The following PTPRO variants were observed in gnomAD, a reference collection of about 807,000 sequenced individuals.
PTPRO encodes the protein protein tyrosine phosphatase receptor type O, also known as receptor-type tyrosine-protein phosphatase O.
In PTPRO, 62 loss-of-function variants were observed where a neutral mutation model predicts 145.2. The ratio of observed to expected loss-of-function variants is 0.43; its 90% CI spans 0.35 to 0.53. The LOEUF (loss-of-function observed/expected upper bound fraction) is 0.53, where lower values mean the gene tolerates loss of function less well. Among genes scored for constraint, PTPRO ranks in the 20% least tolerant of loss-of-function variants. PTPRO has a pLI of 0.01. For synonymous variants in PTPRO, 565 were observed against 514.7 expected (o/e 1.10, Z -1.32); for missense variants, 1,345 against 1,482.7 (o/e 0.91, Z 1.53).
chr12:15,541,732 C>T (rs1016816255), intron 12 of PTPRO, among the ~76,000 whole-genome samples: 1 of 152,206 alleles, frequency 6.6e-6, no homozygotes, highest in African/African-American at 2.4e-5. Flanking sequence ...CCTATTCATC[C>T]TGGGTGTGGT....
intron 1 of PTPRO, among the ~76,000 whole-genome samples, chr12:15,473,634 G>A (rs1344580098): frequency 6.6e-6 from 1 of 151,872 alleles, no homozygotes; most frequent in Non-Finnish European, 1.5e-5. Flanking sequence ...AGGCGTTGTG[G>A]TGGGCACCTG....
intron 1 of PTPRO, among the ~76,000 whole-genome samples, chr12:15,390,131 T>C (rs1355219249): frequency 1.3e-5 from 2 of 152,136 alleles, no homozygotes; most frequent in Non-Finnish European, 2.9e-5. Flanking sequence ...GAAATAAGTT[T>C]GAGAACTAAT....
At chr12:15,410,194 A>G (rs551749691) in intron 1 of PTPRO, 86 of 152,378 alleles carry the variant, frequency 5.6e-4, no homozygotes, top group African/African-American at 2.0e-3. Flanking sequence ...AACACAATTT[A>G]TGAAACGTGC....
chr12:15,593,244 G>A (rs1944589922), intron 25 of PTPRO, among the ~76,000 whole-genome samples: 1 of 152,202 alleles, frequency 6.6e-6, no homozygotes, highest in Non-Finnish European at 1.5e-5. Context: ...CATCAATCCA[G>A]TGATGTTCGA....
rs34222753 is a variant in PTPRO at position 15,589,379 on chromosome 12, G to GA, written c.3411-63dup. The stretch of plus-strand genomic sequence containing the variant: ...CAACAGAGCAAGACTCCATCTCAAA[G>GA]AAAAAAAAAAAAAGAGGGGGGAGAA... On this transcript the variant is annotated intron_variant, in intron 24 of 26. Coordinates refer to ENST00000281171, the MANE Select transcript of PTPRO (RefSeq NM_030667.3). 3.6e-3 allele frequency: 4,549 copies of GA among 1,259,002 alleles called. 7 individuals carry two copies. Among genetic ancestry groups the GA allele is most frequent in the African/African-American group, 0.017 (1,155 of 68,068 alleles). The allele number at this position is 1,259,002 out of a possible 1,614,324, so 78.0% of individuals were successfully genotyped here. A position where few individuals can be genotyped will look rare whatever the true frequency, so the allele number is the denominator to read the frequency against.
intron 25 of PTPRO, among the ~76,000 whole-genome samples, chr12:15,591,369 T>TC (rs1944548895): frequency 6.6e-6 from 1 of 151,686 alleles, no homozygotes; most frequent in Non-Finnish European, 1.5e-5. Context: ...AGACTCCATC[T>TC]CAAAAAAAAC....
At chr12:15,551,736 ATTG>A in intron 15 of PTPRO, 65 bp downstream of exon 15, 2 of 1,561,624 alleles carry the variant, frequency 1.3e-6, no homozygotes. Flanking sequence ...CCATATATAT[ATTG>A]TTTTTGCACA....
At chr12:15,418,076 T>C (rs1326514809) in intron 1 of PTPRO, among the ~76,000 whole-genome samples, 1 of 151,866 alleles carries the variant, frequency 6.6e-6, no homozygotes, top group Non-Finnish European at 1.5e-5. Context: ...GGCACACTCT[T>C]AATTTCAGCT....
intron 1 of PTPRO, among the ~76,000 whole-genome samples, chr12:15,377,175 C>G (rs1454153894): frequency 6.6e-6 from 1 of 151,670 alleles, no homozygotes; most frequent in Non-Finnish European, 1.5e-5. Flanking sequence ...AGAGCAACCA[C>G]TAAGAAAATA....
At chr12:15,350,474 A>C (rs56017619) in intron 1 of PTPRO, among the ~76,000 whole-genome samples, 32,695 of 152,064 alleles carry the variant, frequency 0.22, 4,046 homozygotes, top group Non-Finnish European at 0.29. Context: ...CATATCAATC[A>C]GTCAATTAGC....
rs533632146 is a variant in PTPRO, at chr12:15,563,244, T to C, written c.2712-2349T>C. On this transcript the variant is annotated intron_variant, in intron 17 of 26. Transcript: ENST00000281171. ...AGGTATGTCTGATGGGGGTTATTTA[T>C]TGATTTGGAAAATCTTTTGCAATGA... is the stretch of plus-strand genomic sequence containing the variant. Among the ~76,000 whole-genome samples, 51 of 152,256 alleles carry C rather than the reference T, an allele frequency of 3.3e-4. 1 individual carries two copies. In the South Asian group the frequency reaches 0.01, roughly 30 times the overall value.
At chr12:15,419,715 G>A (rs1306572947) in intron 1 of PTPRO, among the ~76,000 whole-genome samples, 2 of 149,886 alleles carry the variant, frequency 1.3e-5, no homozygotes, top group Admixed American at 6.6e-5. Flanking sequence ...AGAAGAATAC[G>A]TCAAAGCTAG....
chr12:15,440,865 C>T (rs939340820), intron 1 of PTPRO, among the ~76,000 whole-genome samples: 2 of 152,168 alleles, frequency 1.3e-5, no homozygotes, highest in Non-Finnish European at 2.9e-5. Flanking sequence ...TTTGGAGCAA[C>T]CAGATTTATA....
chr12:15,499,301 C>A, intron 3 of PTPRO, 141 bp from the exon 4 acceptor site: 1 of 853,280 alleles, frequency 1.2e-6, no homozygotes, highest in South Asian at 1.6e-5. Flanking sequence ...TAGCCTTCTA[C>A]TAACTCTTTA....
At position 15,541,810 on chromosome 12, in the gene PTPRO, G is replaced by C. The variant is rs113199151; in HGVS notation, c.2165-4759G>C. 4.3e-3 allele frequency among the ~76,000 whole-genome samples: 658 copies of C among 152,214 alleles called. 5 individuals carry two copies. Among genetic ancestry groups the C allele is most frequent in the African/African-American group, 0.015 (629 of 41,528 alleles). On this transcript the variant is annotated intron_variant, in intron 12 of 26. Coordinates refer to ENST00000281171, the MANE Select transcript of PTPRO (RefSeq NM_030667.3). The stretch of plus-strand genomic sequence containing the variant: ...GTGGATCACTTGAGGTGAGGAGTTC[G>C]ATACCAGCCTGGCCAACATGGTGAA...
intron 5 of PTPRO, among the ~76,000 whole-genome samples, chr12:15,503,428 T>C (rs1260026207): frequency 1.3e-5 from 2 of 152,174 alleles, no homozygotes; most frequent in African/African-American, 4.8e-5. Flanking sequence ...TTACTTTAAG[T>C]TCAGGGGTAC....
At chr12:15,575,787 C>G (rs1944172138) in intron 19 of PTPRO, among the ~76,000 whole-genome samples, 2 of 152,200 alleles carry the variant, frequency 1.3e-5, no homozygotes, top group Admixed American at 1.3e-4. Context: ...CCCCTGAAGA[C>G]TCTAGGGAAG....
At chr12:15,417,825 T>C (rs1187481270) in intron 1 of PTPRO, among the ~76,000 whole-genome samples, 4 of 151,782 alleles carry the variant, frequency 2.6e-5, no homozygotes, top group Non-Finnish European at 4.4e-5. Flanking sequence ...AATACTAGGA[T>C]TTAGTCTTCC....
At chr12:15,481,023 A>T (rs1941768329) in intron 1 of PTPRO, among the ~76,000 whole-genome samples, 1 of 152,238 alleles carries the variant, frequency 6.6e-6, no homozygotes, top group Admixed American at 6.5e-5. Context: ...TTGCAGAAGC[A>T]TAATTCAAAA....
Sources: allele counts gnomAD v4.1 joint callset (sites outside exome capture counted in the v4.1 genomes callset), GRCh38; gene constraint gnomAD v4.1.1; transcripts MANE v1.5; gene names NCBI Gene and HGNC (gene_info 2026-07-23, HGNC 2026-07-21).